Variants in MYOCD observed in about 807,000 individuals in gnomAD.
The protein encoded by MYOCD is myocardin.
Under a neutral mutation model 96.1 loss-of-function variants are expected in MYOCD, and 32 were observed. That is an observed-to-expected ratio of 0.33 (90% CI 0.25 to 0.45). MYOCD has a LOEUF of 0.45. MYOCD is among the 20% of genes least tolerant of loss of function. The probability of loss-of-function intolerance (pLI) is 1.00; values close to 1 mark genes in which losing one functional copy is unlikely to be tolerated. For synonymous variants in MYOCD, 469 were observed against 469.0 expected (o/e 1.00, Z 0.00); for missense variants, 1,133 against 1,200.6 (o/e 0.94, Z 0.83).
intron 7 of MYOCD, 34 bp downstream of exon 7, chr17:12,739,362 G>A (rs1283941664): frequency 6.7e-7 from 1 of 1,503,304 alleles, no homozygotes; most frequent in African/African-American, 1.4e-5. Context: ...CCCTGCCTGA[G>A]CGCTCGGCTC....
chr17:12,746,328 A>G (rs1467589820), intron 9 of MYOCD, among the ~76,000 whole-genome samples: 1 of 152,228 alleles, frequency 6.6e-6, no homozygotes, highest in Non-Finnish European at 1.5e-5. Context: ...TCACAGTTCT[A>G]GAACTGAGAA....
chr17:12,728,704 C>T (rs2032074507), intron 5 of MYOCD, among the ~76,000 whole-genome samples: 1 of 152,208 alleles, frequency 6.6e-6, no homozygotes, highest in African/African-American at 2.4e-5. Context: ...GTCTCGAACT[C>T]CCCACCTCAG....
chr17:12,714,296 T>A (rs184468672), intron 2 of MYOCD, among the ~76,000 whole-genome samples: 11 of 145,036 alleles, frequency 7.6e-5, no homozygotes, highest in African/African-American at 2.8e-4. Flanking sequence ...AGATTCAGCA[T>A]GGTCTTAAGG....
rs1429564009 is a variant in MYOCD at position 12,752,949 on chromosome 17, G to C, written c.1661G>C (p.Arg554Thr). 15 of 1,614,012 alleles carry C rather than the reference G, an allele frequency of 9.3e-6. No individual in the cohort carries two copies. Among genetic ancestry groups the C allele is most frequent in the African/African-American group, 1.3e-5 (1 of 74,894 alleles). The part of the protein sequence containing the change: ...ELRMQLQKQK[R>T]NNCSEKKPLP... ...AGGATGCAGCTTCAGAAGCAGAAAA[G>C]GAATAACTGTTCAGAGAAGAAGCCG... is the stretch of plus-strand genomic sequence containing the variant. Residue 554 changes from arginine (R) to threonine (T), a missense_variant, in exon 10 of 14, where the codon AGG (arginine) becomes ACG (threonine). Physicochemically the swap from Arg to Thr is moderately conservative, Grantham distance 71. Coordinates refer to ENST00000425538, the MANE Select transcript of MYOCD (RefSeq NM_001146312.3).
chr17:12,672,529 AAAAT>A (rs1462033480), intron 1 of MYOCD, among the ~76,000 whole-genome samples: 1 of 152,270 alleles, frequency 6.6e-6, no homozygotes, highest in Non-Finnish European at 1.5e-5. Context: ...TTGTTAAAAT[AAAAT>A]GTATCATTTA....
At chr17:12,739,699 G>A (rs2032450831) in intron 7 of MYOCD, among the ~76,000 whole-genome samples, 1 of 152,182 alleles carries the variant, frequency 6.6e-6, no homozygotes, top group Non-Finnish European at 1.5e-5. Flanking sequence ...TTATGCAAGG[G>A]AAGTAGCCCT....
At chr17:12,698,228 G>A (rs1047486618) in intron 1 of MYOCD, among the ~76,000 whole-genome samples, 2 of 152,192 alleles carry the variant, frequency 1.3e-5, no homozygotes, top group African/African-American at 4.8e-5. Flanking sequence ...AGAAAAGAAA[G>A]ATGTGAGATG....
chr17:12,671,014 C>T (rs1051328015), intron 1 of MYOCD, among the ~76,000 whole-genome samples: 1 of 152,144 alleles, frequency 6.6e-6, no homozygotes, highest in Non-Finnish European at 1.5e-5. Context: ...AGAACCCCAA[C>T]CCCCACCTTC....
At chr17:12,672,988 A>C (rs1358063034) in intron 1 of MYOCD, among the ~76,000 whole-genome samples, 1 of 152,210 alleles carries the variant, frequency 6.6e-6, no homozygotes, top group African/African-American at 2.4e-5. Context: ...GTGGTACGAA[A>C]GCATCAAATT....
chr17:12,716,364 A>G (rs201192371), intron 3 of MYOCD, among the ~76,000 whole-genome samples: 5 of 43,770 alleles, frequency 1.1e-4, no homozygotes, highest in Non-Finnish European at 3.2e-4. Flanking sequence ...GACCCCTCTC[A>G]GGGGGCCACT....
At chr17:12,666,387 G>A (rs970072308) in intron 1 of MYOCD, 144 bp downstream of exon 1, 1 of 675,776 alleles carries the variant, frequency 1.5e-6, no homozygotes, top group African/African-American at 1.8e-5. Context: ...GAAGCGAAGA[G>A]TTTTGTTTGA....
chr17:12,685,855 G>C (rs1163706411), intron 1 of MYOCD, among the ~76,000 whole-genome samples: 1 of 152,168 alleles, frequency 6.6e-6, no homozygotes, highest in Non-Finnish European at 1.5e-5. Context: ...TCAACAAATA[G>C]CAAGGAATTG....
At chr17:12,750,845 AT>A (rs1352753114) in intron 9 of MYOCD, among the ~76,000 whole-genome samples, 2 of 152,068 alleles carry the variant, frequency 1.3e-5, no homozygotes, top group African/African-American at 2.4e-5. Context: ...CATATTTTAA[AT>A]TTTATTTCGT....
Position 12,680,924 on chromosome 17 carries a change from C to G in MYOCD, c.55+14681C>G, listed in dbSNP as rs188111152. The stretch of plus-strand genomic sequence containing the variant: ...AGGTTCCCTACACCCCAATAGAGCA[C>G]CCCAAGAACTATCTGATGCTCACAT... On this transcript the variant is annotated intron_variant, in intron 1 of 13. Coordinates refer to ENST00000425538, the MANE Select transcript of MYOCD (RefSeq NM_001146312.3). Among the ~76,000 whole-genome samples, 1,023 of 152,262 alleles carry G rather than the reference C, an allele frequency of 6.7e-3. 8 individuals carry two copies. The highest frequency in any genetic ancestry group is 6.8e-3 in the Middle Eastern group (2 of 294).
intron 1 of MYOCD, among the ~76,000 whole-genome samples, chr17:12,673,054 G>A (rs1036360882): frequency 2.6e-5 from 4 of 152,072 alleles, no homozygotes; most frequent in African/African-American, 9.7e-5. Context: ...TCATTTCACA[G>A]ATGATGTGAA....
Position 12,758,185 on chromosome 17 carries a change from C to T in MYOCD, c.2303C>T (p.Pro768Leu). The change falls in exon 12 of 14, where the codon CCT (proline) becomes CTT (leucine). Residue 768 changes from proline (P) to leucine (L), a missense_variant. Physicochemically the swap from Pro to Leu is moderately conservative, Grantham distance 98. Coordinates refer to ENST00000425538, the MANE Select transcript of MYOCD (RefSeq NM_001146312.3). ...TCAGCAATTTCAGAGGTAACACAGCCTCCATCCTATGAAGATGCCGTAAAG... is the reference window on the plus strand; with the variant it reads ...TCAGCAATTTCAGAGGTAACACAGCTTCCATCCTATGAAGATGCCGTAAAG... ...SSSAISEVTQ[P>L]PSYEDAVKQQ... is the part of the protein sequence containing the mutation. 1 of 1,614,096 alleles carries T rather than the reference C, an allele frequency of 6.2e-7. No individual in the cohort carries two copies.
At chr17:12,734,312 G>A (rs2032272167) in intron 5 of MYOCD, among the ~76,000 whole-genome samples, 1 of 151,980 alleles carries the variant, frequency 6.6e-6, no homozygotes, top group African/African-American at 2.4e-5. Flanking sequence ...AGAGAAGACT[G>A]GCTGCCCTGA....
intron 6 of MYOCD, among the ~76,000 whole-genome samples, chr17:12,738,150 C>G (rs965399244): frequency 6.6e-6 from 1 of 152,170 alleles, no homozygotes; most frequent in Non-Finnish European, 1.5e-5. Flanking sequence ...CCGAACAATG[C>G]CAGGCAAGAT....
chr17:12,730,748 G>C (rs986948030), intron 5 of MYOCD, among the ~76,000 whole-genome samples: 1 of 152,144 alleles, frequency 6.6e-6, no homozygotes, highest in Non-Finnish European at 1.5e-5. Context: ...GATGTCAGGA[G>C]GTAGTCTGTC....
Sources: gnomAD v4.1 joint callset for allele counts (sites outside exome capture counted in the v4.1 genomes callset) on GRCh38, gnomAD v4.1.1 for gene constraint, MANE v1.5 for transcripts, NCBI Gene and HGNC (gene_info 2026-07-23, HGNC 2026-07-21) for gene names.